The following CARMIL1 variants were observed in gnomAD, a reference collection of about 807,000 sequenced individuals.
The protein encoded by CARMIL1 is capping protein regulator and myosin 1 linker 1.
CARMIL1 carries 90 observed loss-of-function variants against 177.1 expected under a neutral mutation model. The observed-to-expected ratio is 0.51, with a 90% CI of 0.43 to 0.61. CARMIL1 has a LOEUF of 0.61. CARMIL1 is among the 20% of genes least tolerant of loss of function. The probability of loss-of-function intolerance (pLI) is 0.00; values close to 1 mark genes in which losing one functional copy is unlikely to be tolerated. For missense variants in CARMIL1, 1,380 were observed against 1,667.0 expected (o/e 0.83, Z 3.00); for synonymous variants, 577 against 606.2 (o/e 0.95, Z 0.71).
At chr6:25,363,308 G>A (rs151258384) in intron 2 of CARMIL1, among the ~76,000 whole-genome samples, 287 of 152,220 alleles carry the variant, frequency 1.9e-3, no homozygotes, top group African/African-American at 6.5e-3. Context: ...ATTTGACCAG[G>A]GACCATGTAT....
intron 2 of CARMIL1, among the ~76,000 whole-genome samples, chr6:25,292,213 T>G (rs1189193997): frequency 6.6e-6 from 1 of 152,194 alleles, no homozygotes; most frequent in Admixed American, 6.5e-5. Context: ...ACAGTTGCCT[T>G]TGTGGTACCA....
At chr6:25,508,029 C>A (rs1157798142) in intron 17 of CARMIL1, among the ~76,000 whole-genome samples, 3 of 151,818 alleles carry the variant, frequency 2.0e-5, no homozygotes, top group Admixed American at 6.6e-5. Flanking sequence ...ATGCAAGCCC[C>A]CAATTTTTAT....
At position 25,335,346 on chromosome 6, in the gene CARMIL1, T is replaced by G. The variant is rs1452900664; in HGVS notation, c.138+50437T>G. 2.0e-5 allele frequency among the ~76,000 whole-genome samples: 3 copies of G among 152,244 alleles called. No homozygotes were observed. The South Asian group carries it at 6.2e-4, about 31-fold the overall frequency. Reference sequence around the variant, plus strand: ...ATAAGGAATGCATAATCACTCTGGGTTCCTGGCTTTAAATTATAAGGATGT... The same window carrying G: ...ATAAGGAATGCATAATCACTCTGGGGTCCTGGCTTTAAATTATAAGGATGT... On this transcript the variant is annotated intron_variant, in intron 2 of 36. Coordinates refer to ENST00000329474, the MANE Select transcript of CARMIL1 (RefSeq NM_017640.6).
chr6:25,279,593 C>T lies in CARMIL1; in HGVS notation c.-203C>T. On this transcript the variant is annotated 5_prime_UTR_variant, in exon 1 of 37. Transcript: ENST00000329474. ...CGTCATGTAGCAGCAGCAGCAAATCCGCCTCGCATTTGCAACTCTTTTTTT... is the reference window on the plus strand; with the variant it reads ...CGTCATGTAGCAGCAGCAGCAAATCTGCCTCGCATTTGCAACTCTTTTTTT... 1 of 609,426 alleles carries T rather than the reference C, an allele frequency of 1.6e-6. No homozygotes were observed. Among genetic ancestry groups the T allele is most frequent in the Non-Finnish European group, 2.9e-6 (1 of 339,502 alleles). The allele number at this position is 609,426 out of a possible 1,614,324, so 37.8% of individuals were successfully genotyped here. A position where few individuals can be genotyped will look rare whatever the true frequency, so the allele number is the denominator to read the frequency against.
At chr6:25,321,631 ATTTT>A (rs1376621936) in intron 2 of CARMIL1, among the ~76,000 whole-genome samples, 12 of 151,780 alleles carry the variant, frequency 7.9e-5, no homozygotes, top group Non-Finnish European at 8.8e-5. Context: ...CTTTTAATTA[ATTTT>A]ATTTATTTCA....
chr6:25,531,394 G>A (rs1243449012), intron 24 of CARMIL1, among the ~76,000 whole-genome samples: 1 of 152,148 alleles, frequency 6.6e-6, no homozygotes, highest in African/African-American at 2.4e-5. Context: ...TAAACTATGG[G>A]TGACTGTATA....
chr6:25,609,801 A>G (rs114298531), intron 35 of CARMIL1, among the ~76,000 whole-genome samples: 1,869 of 152,308 alleles, frequency 0.012, 53 homozygotes, highest in African/African-American at 0.042. Context: ...TGTGCATTGA[A>G]ATTCTTGATC....
intron 2 of CARMIL1, among the ~76,000 whole-genome samples, chr6:25,321,463 T>A (rs1194833320): frequency 6.6e-6 from 1 of 152,126 alleles, no homozygotes; most frequent in African/African-American, 2.4e-5. Context: ...TAATGGTGAA[T>A]GCATACTGTT....
At chr6:25,294,507 C>T (rs1782241925) in intron 2 of CARMIL1, among the ~76,000 whole-genome samples, 2 of 152,152 alleles carry the variant, frequency 1.3e-5, no homozygotes, top group Non-Finnish European at 2.9e-5. Flanking sequence ...TTTTGCTTCA[C>T]TATTCCCAGT....
At chr6:25,548,385 T>C (rs76691998) in intron 26 of CARMIL1, among the ~76,000 whole-genome samples, 1 of 152,210 alleles carries the variant, frequency 6.6e-6, no homozygotes, top group Non-Finnish European at 1.5e-5. Flanking sequence ...TGTTATTGTT[T>C]GAGTGGGGAG....
intron 2 of CARMIL1, among the ~76,000 whole-genome samples, chr6:25,293,522 C>T (rs1280493619): frequency 1.3e-5 from 2 of 151,850 alleles, no homozygotes; most frequent in Non-Finnish European, 2.9e-5. Context: ...GGAGCTGGGA[C>T]TACAATCACA....
chr6:25,363,262 C>T (rs1197753679), intron 2 of CARMIL1, among the ~76,000 whole-genome samples: 1 of 151,978 alleles, frequency 6.6e-6, no homozygotes, highest in Admixed American at 6.6e-5. Flanking sequence ...TCGGTGCTTC[C>T]AAAGGGGGAT....
At chr6:25,284,780 T>A (rs1314980039) in intron 1 of CARMIL1, 32 bp from the exon 2 acceptor site, 1 of 1,280,130 alleles carries the variant, frequency 7.8e-7, no homozygotes. Context: ...GCTTTTTTTC[T>A]TATTAATAAC....
chr6:25,543,017 C>G (rs1268397201), intron 26 of CARMIL1, among the ~76,000 whole-genome samples: 1 of 152,044 alleles, frequency 6.6e-6, no homozygotes. Flanking sequence ...GAGCTAAAGT[C>G]GATGGATTAT....
intron 17 of CARMIL1, among the ~76,000 whole-genome samples, chr6:25,504,487 G>A (rs186153734): frequency 1.2e-4 from 19 of 152,180 alleles, no homozygotes; most frequent in African/African-American, 4.6e-4. Flanking sequence ...AAAGTTTCCT[G>A]TGGGTATTTA....
chr6:25,486,779 C>T (rs942456702), intron 12 of CARMIL1, among the ~76,000 whole-genome samples: 8 of 152,100 alleles, frequency 5.3e-5, no homozygotes, highest in Non-Finnish European at 1.2e-4. Flanking sequence ...TCTGTGTCTC[C>T]TGCTCCACTG....
intron 2 of CARMIL1, among the ~76,000 whole-genome samples, chr6:25,371,265 T>G (rs1790401774): frequency 6.6e-6 from 1 of 152,192 alleles, no homozygotes; most frequent in Non-Finnish European, 1.5e-5. Context: ...CTTTTAGTAG[T>G]TGCCCAGTAG....
At chr6:25,564,863 TGG>T (rs529720874) in intron 29 of CARMIL1, among the ~76,000 whole-genome samples, 12 of 151,676 alleles carry the variant, frequency 7.9e-5, no homozygotes, top group Non-Finnish European at 1.8e-4. Flanking sequence ...AAATTAGATA[TGG>T]TGGGAAAGTG....
chr6:25,557,152 C>T (rs561093181), intron 29 of CARMIL1, among the ~76,000 whole-genome samples: 5 of 151,942 alleles, frequency 3.3e-5, no homozygotes, highest in Non-Finnish European at 7.4e-5. Flanking sequence ...TATAAATAAG[C>T]CATTAAAAAT....
Sources: allele counts gnomAD v4.1 joint callset (sites outside exome capture counted in the v4.1 genomes callset), GRCh38; gene constraint gnomAD v4.1.1; transcripts MANE v1.5; gene names NCBI Gene and HGNC (gene_info 2026-07-23, HGNC 2026-07-21).